Variants in TRIB2 observed in about 807,000 individuals in gnomAD.
The protein encoded by TRIB2 is tribbles homolog 2.
Under a neutral mutation model 26.8 loss-of-function variants are expected in TRIB2, and 2 were observed. The ratio of observed to expected loss-of-function variants is 0.07; its 90% CI spans 0.03 to 0.24. The LOEUF is 0.24. Among genes scored for constraint, TRIB2 ranks in the 10% least tolerant of loss-of-function variants. The pLI, the probability that TRIB2 is intolerant of heterozygous loss-of-function variation, is 1.00. For synonymous variants in TRIB2, 189 were observed against 187.3 expected, an observed-to-expected ratio of 1.01 and a Z score of -0.08; for missense variants, 306 against 449.0, an observed-to-expected ratio of 0.68 and a Z score of 2.88.
chr2:12,717,247 TC>T lies in TRIB2; in HGVS notation c.-1059del, dbSNP rs1324664481. On this transcript the variant is annotated 5_prime_UTR_variant, in exon 1 of 3. Coordinates refer to ENST00000155926, the MANE Select transcript of TRIB2 (RefSeq NM_021643.4). This position sits in a 1 kb window ranked among gnomAD's most constrained non-coding sequence, Gnocchi z 4.8. ...GGGAGACGGGGTGATTGCAAATTAT[TC>T]CAGGACGAGATCCAGTTCTCCAGCG... The T allele has an allele frequency of 7.5e-6, 3 of 397,484 alleles. No individual in the cohort carries two copies. Among genetic ancestry groups the T allele is most frequent in the Non-Finnish European group, 8.9e-6 (2 of 225,724 alleles). The allele number at this position is 397,484 out of a possible 1,614,324, so 24.6% of individuals were successfully genotyped here. A position where few individuals can be genotyped will look rare whatever the true frequency, so the allele number is the denominator to read the frequency against.
At chr2:12,727,927 G>A (rs142225286) in intron 2 of TRIB2, among the ~76,000 whole-genome samples, 2 of 152,038 alleles carry the variant, frequency 1.3e-5, no homozygotes, top group South Asian at 2.1e-4. Flanking sequence ...TGTGCACTCC[G>A]CCTCCCCCTC....
At chr2:12,735,166 T>C (rs985526372) in intron 2 of TRIB2, among the ~76,000 whole-genome samples, 1 of 152,202 alleles carries the variant, frequency 6.6e-6, no homozygotes, top group Admixed American at 6.5e-5. Context: ...ACCAGTTGCC[T>C]TGACCCTTGC....
At chr2:12,723,810 G>A (rs925941739) in intron 2 of TRIB2, among the ~76,000 whole-genome samples, 1 of 152,200 alleles carries the variant, frequency 6.6e-6, no homozygotes, top group African/African-American at 2.4e-5. Context: ...TGTATGATTA[G>A]GTGTCTTGAA....
intron 2 of TRIB2, among the ~76,000 whole-genome samples, chr2:12,736,314 G>C (rs1376657308): frequency 1.3e-5 from 2 of 152,114 alleles, no homozygotes. Context: ...CAGCAAACAG[G>C]CTGGGAAGGA....
At chr2:12,720,735 T>C (rs183117354) in intron 1 of TRIB2, among the ~76,000 whole-genome samples, 53 of 152,354 alleles carry the variant, frequency 3.5e-4, no homozygotes, top group African/African-American at 1.1e-3. Flanking sequence ...GAGAATTCCA[T>C]AGGACACTAT....
At chr2:12,727,926 C>T (rs548982537) in intron 2 of TRIB2, among the ~76,000 whole-genome samples, 2 of 152,242 alleles carry the variant, frequency 1.3e-5, no homozygotes, top group South Asian at 2.1e-4. Flanking sequence ...CTGTGCACTC[C>T]GCCTCCCCCT....
rs577095351 is a variant in TRIB2 at position 12,733,587 on chromosome 2, AG to A, written c.564-6737del. On this transcript the variant is annotated intron_variant, in intron 2 of 2. Coordinates refer to ENST00000155926, the MANE Select transcript of TRIB2 (RefSeq NM_021643.4). ...GTCTTTTACTTTGTTTTGAGAAATA[AG>A]GATGCAAGCTGTAGTAATCTCAGCA... 2.0e-5 allele frequency among the ~76,000 whole-genome samples: 3 copies of A among 152,342 alleles called. No homozygotes were observed. The South Asian group carries it at 6.2e-4, about 32-fold the overall frequency.
In TRIB2 at chr2:12,735,327, C is replaced by T. The variant is rs140480058; in HGVS notation, c.564-4999C>T. ...CCCTCTCCTGCCTGGGATGCAGATT[C>T]TCCCCTAGAGAAAGAGCAGGCTCCT... On this transcript the variant is annotated intron_variant, in intron 2 of 2. Coordinates refer to ENST00000155926, the MANE Select transcript of TRIB2 (RefSeq NM_021643.4). 5.7e-4 allele frequency among the ~76,000 whole-genome samples: 87 copies of T among 152,266 alleles called. 1 individual carries two copies. The highest frequency in any genetic ancestry group is 1.8e-3 in the African/African-American group (76 of 41,554).
intron 2 of TRIB2, among the ~76,000 whole-genome samples, chr2:12,724,380 T>C (rs1661292369): frequency 6.6e-6 from 1 of 152,180 alleles, no homozygotes; most frequent in Non-Finnish European, 1.5e-5. Flanking sequence ...TCCCAGCCGA[T>C]TTTGATTACA....
At chr2:12,739,188 A>G (rs1009397581) in intron 2 of TRIB2, among the ~76,000 whole-genome samples, 13 of 152,190 alleles carry the variant, frequency 8.5e-5, no homozygotes, top group Non-Finnish European at 1.5e-5. Flanking sequence ...AACCTGGTCA[A>G]GGACAAGGCC....
rs768883790 is a variant in TRIB2 at position 12,718,447 on chromosome 2, G to C, written c.140G>C (p.Ser47Thr). 1.2e-6 allele frequency: 2 copies of C among 1,614,240 alleles called. No homozygotes were observed. The highest frequency in any genetic ancestry group is 1.7e-6 in the Non-Finnish European group (2 of 1,180,046). Residue 47 changes from serine (S) to threonine (T), a missense_variant, in exon 1 of 3, where the codon AGC becomes ACC. Ser to Thr is a moderately conservative substitution (Grantham distance 58). Transcript: ENST00000155926. This position sits in a 1 kb window ranked among gnomAD's most constrained non-coding sequence, Gnocchi z 4.0. ...QSFSPNLGSP[S>T]PPETPNLSHC... Reference sequence around the variant, plus strand: ...TTCAGCCCGAACCTCGGCTCCCCGAGCCCGCCCGAGACTCCGAACTTGTCG... The same window carrying C: ...TTCAGCCCGAACCTCGGCTCCCCGACCCCGCCCGAGACTCCGAACTTGTCG...
rs369596172 is a variant in TRIB2, at chr2:12,740,707, G to T, written c.945G>T (p.Ser315=). 9.3e-6 allele frequency: 15 copies of T among 1,614,138 alleles called. No homozygotes were observed. The South Asian group carries it at 1.6e-4, about 18-fold the overall frequency. ...HPWFSTDFSV[S]NSAYGAKEVS... is the part of the protein sequence containing the mutation. ...GGTTTTCTACAGATTTTAGCGTCTC[G>T]AATTCAGCATATGGTGCTAAGGAAG... The change falls in exon 3 of 3, where the codon TCG becomes TCT. Residue 315 remains serine, a synonymous_variant. Transcript: ENST00000155926. The surrounding 1 kb of genome is among the most constrained non-coding windows in gnomAD (Gnocchi z 5.8).
intron 2 of TRIB2, among the ~76,000 whole-genome samples, chr2:12,725,693 C>A (rs997872180): frequency 6.6e-6 from 1 of 152,226 alleles, no homozygotes; most frequent in Non-Finnish European, 1.5e-5. Flanking sequence ...AAGGAGTATC[C>A]AGTGTGAATG....
chr2:12,740,243 A>T lies in TRIB2; in HGVS notation c.564-83A>T, dbSNP rs1661684220. 2.3e-6 allele frequency: 3 copies of T among 1,316,056 alleles called. No individual in the cohort carries two copies. Among genetic ancestry groups the T allele is most frequent in the Admixed American group, 2.0e-5 (1 of 50,782 alleles). 81.5% of individuals were successfully genotyped at this position (1,316,056 alleles called of 1,614,324 possible). Reference sequence around the variant, plus strand: ...ATGTGAATGAGGAGTCTTCAGAAACACTATAGTCGGTTATGTTATGATGCT... The same window carrying T: ...ATGTGAATGAGGAGTCTTCAGAAACTCTATAGTCGGTTATGTTATGATGCT... On this transcript the variant is annotated intron_variant, in intron 2 of 2. Coordinates refer to ENST00000155926, the MANE Select transcript of TRIB2 (RefSeq NM_021643.4). This position sits in a 1 kb window ranked among gnomAD's most constrained non-coding sequence, Gnocchi z 5.8.
chr2:12,724,080 G>T (rs1176711451), intron 2 of TRIB2, among the ~76,000 whole-genome samples: 1 of 152,206 alleles, frequency 6.6e-6, no homozygotes, highest in South Asian at 2.1e-4. Flanking sequence ...TCCGTGCTGG[G>T]TGGGATGAGA....
Position 12,742,554 on chromosome 2 carries a change from G to A in TRIB2, c.*1760G>A, listed in dbSNP as rs1020712178. 1 of 152,194 alleles carries A rather than the reference G, an allele frequency of 6.6e-6. No individual in the cohort carries two copies. Among genetic ancestry groups the A allele is most frequent in the African/African-American group, 2.4e-5 (1 of 41,270 alleles). The allele number at this position is 152,194 out of a possible 1,614,324, so 9.4% of individuals were successfully genotyped here. On this transcript the variant is annotated 3_prime_UTR_variant, in exon 3 of 3. Transcript: ENST00000155926. ...TTTTTTTTTTAACATTCTGAAGATG[G>A]TGCTGTGTCAAGAAGGACCTTTTTT...
At position 12,742,238 on chromosome 2, in the gene TRIB2, A is replaced by G. The variant is rs1661724831; in HGVS notation, c.*1444A>G. The G allele has an allele frequency of 6.6e-6, 1 of 152,642 alleles. No individual in the cohort carries two copies. The highest frequency in any genetic ancestry group is 1.5e-5 in the Non-Finnish European group (1 of 68,032). 9.5% of individuals were successfully genotyped at this position (152,642 alleles called of 1,614,324 possible). The stretch of plus-strand genomic sequence containing the variant: ...TTTTGGCATAAATATTTGTGTTCCC[A>G]GTACCTCACTTGTTCGGATTTGACT... On this transcript the variant is annotated 3_prime_UTR_variant, in exon 3 of 3. Transcript: ENST00000155926.
intron 2 of TRIB2, among the ~76,000 whole-genome samples, chr2:12,725,648 G>A (rs1261554744): frequency 2.6e-5 from 4 of 152,346 alleles, no homozygotes; most frequent in African/African-American, 9.6e-5. Flanking sequence ...TTTGACTTTC[G>A]CGAAAGAGCA....
rs1661470928 is a variant in TRIB2, at chr2:12,732,115, G to A, written c.564-8211G>A. On this transcript the variant is annotated intron_variant, in intron 2 of 2. Coordinates refer to ENST00000155926, the MANE Select transcript of TRIB2 (RefSeq NM_021643.4). The surrounding 1 kb of genome is among the most constrained non-coding windows in gnomAD (Gnocchi z 4.2). ...TTCCTCTGTGAAGCCCTGGCGGCCTGCAGGCTGTGCTTGTGTGGTGTCTGC... is the reference window on the plus strand; with the variant it reads ...TTCCTCTGTGAAGCCCTGGCGGCCTACAGGCTGTGCTTGTGTGGTGTCTGC... 6.6e-6 allele frequency among the ~76,000 whole-genome samples: 1 copy of A among 152,154 alleles called. No homozygotes were observed. Among genetic ancestry groups the A allele is most frequent in the South Asian group, 2.1e-4 (1 of 4,832 alleles).
Sources: gnomAD v4.1 joint callset for allele counts (sites outside exome capture counted in the v4.1 genomes callset) on GRCh38, gnomAD v4.1.1 for gene constraint, Gnocchi (gnomAD v3.1) non-coding constraint, MANE v1.5 for transcripts, NCBI Gene and HGNC (gene_info 2026-07-23, HGNC 2026-07-21) for gene names.